The following OR4K14 variants were observed in gnomAD, a reference collection of about 807,000 sequenced individuals.
OR4K14 encodes olfactory receptor 4K14.
For synonymous variants in OR4K14, 153 were observed against 141.5 expected (o/e 1.08, Z -0.58); for missense variants, 406 against 373.6 (o/e 1.09, Z -0.72).
chr14:20,017,403 T>C (rs913399311), intron 1 of OR4K14, among the ~76,000 whole-genome samples: 1 of 152,028 alleles, frequency 6.6e-6, no homozygotes, highest in Non-Finnish European at 1.5e-5. Context: ...TCACTTAACC[T>C]AGGTTTTATT....
rs531129747 is a variant in OR4K14 at position 20,017,621 on chromosome 14, G to A, written c.-30+1522C>T. 1.6e-3 allele frequency among the ~76,000 whole-genome samples: 244 copies of A among 151,964 alleles called. 1 individual carries two copies. The highest frequency in any genetic ancestry group is 5.6e-3 in the African/African-American group (233 of 41,516). ...TTTTAAATTATTATGTGGAAGCTGA[G>A]CAAAATAAACTGATGGAGATAGTAT... On this transcript the variant is annotated intron_variant, in intron 1 of 1. Transcript: ENST00000641793.
rs554838684 is a variant in OR4K14 at position 20,017,830 on chromosome 14, A to T, written c.-30+1313T>A. Among the ~76,000 whole-genome samples the T allele has an allele frequency of 7.2e-5, 11 of 152,222 alleles. No homozygotes were observed. The South Asian group carries it at 2.3e-3, about 32-fold the overall frequency. On this transcript the variant is annotated intron_variant, in intron 1 of 1. Transcript: ENST00000641793. ...TTTTTGAGGGTGTTTTCACCATTAC[A>T]CATGATTGACTAATAAGTTCATCAC...
chr14:20,015,169 C>T lies in OR4K14; in HGVS notation c.25G>A (p.Val9Met), dbSNP rs745737183. 7 of 1,610,332 alleles carry T rather than the reference C, an allele frequency of 4.3e-6. No homozygotes were observed. The highest frequency in any genetic ancestry group is 1.1e-5 in the South Asian group (1 of 90,250). Residue 9 changes from valine to methionine, a missense_variant, in exon 2 of 2, where the codon GTG becomes ATG. Transcript: ENST00000641793. ...AGTCCATGCAACACAAATTCTGACA[C>T]CAAGGAATAGTTCTGTGGGTCCATT... The part of the protein sequence containing the change: MDPQNYSL[V>M]SEFVLHGLCT...
intron 1 of OR4K14, among the ~76,000 whole-genome samples, chr14:20,017,772 A>C (rs1877128348): frequency 6.6e-6 from 1 of 152,018 alleles, no homozygotes. Flanking sequence ...AAGACCTCTC[A>C]ACAAAGACCA....
At position 20,014,719 on chromosome 14, in the gene OR4K14, T is replaced by A; in HGVS notation, c.475A>T (p.Ser159Cys). ...SWVVGFVHSI[S>C]QVAFTVNLPY... ...AAATTTACAGTGAAAGCCACTTGAC[T>A]GATGGAGTGCACAAATCCAACGACC... The change falls in exon 2 of 2, where the codon AGT becomes TGT. Residue 159 changes from serine to cysteine, a missense_variant. Physicochemically the swap from Ser to Cys is moderately radical, Grantham distance 112 (BLOSUM62 -1). Transcript: ENST00000641793. The A allele has an allele frequency of 6.2e-7, 1 of 1,614,068 alleles. No homozygotes were observed. Among genetic ancestry groups the A allele is most frequent in the Non-Finnish European group, 8.5e-7 (1 of 1,179,956 alleles).
chr14:20,015,053 G>C lies in OR4K14; in HGVS notation c.141C>G (p.Val47=). The C allele has an allele frequency of 6.2e-7, 1 of 1,613,904 alleles. No individual in the cohort carries two copies. Among genetic ancestry groups the C allele is most frequent in the Non-Finnish European group, 8.5e-7 (1 of 1,179,942 alleles). ...AIMLGNLLIL[V]TVISDPCLHS... ...GCAGGCAGGGATCAGAAATTACAGT[G>C]ACCAAAATGAGAAGGTTACCCAGCA... The change falls in exon 2 of 2, where the codon GTC becomes GTG. Residue 47 remains valine, a synonymous_variant. Transcript: ENST00000641793.
At position 20,014,829 on chromosome 14, in the gene OR4K14, T is replaced by A. The variant is rs570182837; in HGVS notation, c.365A>T (p.Asp122Val). The change falls in exon 2 of 2, where the codon GAC becomes GTC. Residue 122 changes from aspartate (D) to valine (V), a missense_variant. Transcript: ENST00000641793. ...GGGTTTGCATATGGCCACATATCTGTCATAGGCCATGGAAACCAGGAGCAC... is the reference window on the plus strand; with the variant it reads ...GGGTTTGCATATGGCCACATATCTGACATAGGCCATGGAAACCAGGAGCAC... ...EMVLLVSMAY[D>V]RYVAICKPLH... 1.1e-5 allele frequency: 18 copies of A among 1,614,052 alleles called. No individual in the cohort carries two copies. The African/African-American group carries it at 1.9e-4, about 17-fold the overall frequency.
intron 1 of OR4K14, among the ~76,000 whole-genome samples, chr14:20,017,981 A>G (rs1468888632): frequency 6.6e-6 from 1 of 152,034 alleles, no homozygotes; most frequent in Admixed American, 6.5e-5. Flanking sequence ...AAAATATTGT[A>G]TAAAGCTTTT....
Position 20,015,107 on chromosome 14 carries a change from T to C in OR4K14, c.87A>G (p.Ile29Met). ...TSRHLQNFFF[I>M]FFFGVYVAIM... ...TGGCCACATAGACCCCAAAGAAAAA[T>C]ATAAAGAAAAAATTTTGAAGATGTC... The change falls in exon 2 of 2, where the codon ATA becomes ATG. Residue 29 changes from isoleucine (I) to methionine (M), a missense_variant. Coordinates refer to ENST00000641793, the MANE Select transcript of OR4K14 (RefSeq NM_001004712.2). 1 of 1,613,308 alleles carries C rather than the reference T, an allele frequency of 6.2e-7. No individual in the cohort carries two copies. Among genetic ancestry groups the C allele is most frequent in the Non-Finnish European group, 8.5e-7 (1 of 1,179,766 alleles).
At chr14:20,015,253 A>T (rs1877073452) in intron 1 of OR4K14, 31 bp from the exon 2 acceptor site, 1 of 1,010,230 alleles carries the variant, frequency 9.9e-7, no homozygotes, top group Non-Finnish European at 1.5e-6. Flanking sequence ...TGTCATTTGC[A>T]GCAACACCTC....
chr14:20,017,792 A>G (rs149520090), intron 1 of OR4K14, among the ~76,000 whole-genome samples: 52 of 152,094 alleles, frequency 3.4e-4, no homozygotes, highest in African/African-American at 1.1e-3. Flanking sequence ...AGAGCATAAA[A>G]CCTATGCAAT....
intron 1 of OR4K14, among the ~76,000 whole-genome samples, 178 bp downstream of exon 1, chr14:20,018,965 C>G (rs1877153326): frequency 6.6e-6 from 1 of 151,672 alleles, no homozygotes; most frequent in Non-Finnish European, 1.5e-5. Flanking sequence ...TGTATACAAA[C>G]CAATGGTGTT....
chr14:20,017,506 AATCT>A (rs1400167539), intron 1 of OR4K14, among the ~76,000 whole-genome samples: 3 of 143,760 alleles, frequency 2.1e-5, no homozygotes, highest in Middle Eastern at 3.7e-3. Context: ...TAGATACATA[AATCT>A]ATCTATAAAT....
Position 20,014,334 on chromosome 14 carries a change from A to T in OR4K14, c.860T>A (p.Ile287Asn). The T allele has an allele frequency of 1.2e-6, 2 of 1,613,822 alleles. No homozygotes were observed. The change falls in exon 2 of 2, where the codon ATC becomes AAC. Residue 287 changes from isoleucine (I) to asparagine (N), a missense_variant. By Grantham distance (149) the Ile-to-Asn change is moderately radical. Coordinates refer to ENST00000641793, the MANE Select transcript of OR4K14 (RefSeq NM_001004712.2). ...TIFTPLLNPI[I>N]YTLRNEEMKA... ...CATCTCCTCATTTCTCAATGTGTAG[A>T]TAATGGGGTTCAGGAGTGGAGTAAA... is the stretch of plus-strand genomic sequence containing the variant.
rs376021659 is a variant in OR4K14, at chr14:20,014,263, A to T, written c.931T>A (p.Ter311ArgextTer33). Residue 311 changes from the stop codon to arginine (R), a stop_lost, in exon 2 of 2, where the codon TGA becomes AGA. Coordinates refer to ENST00000641793, the MANE Select transcript of OR4K14 (RefSeq NM_001004712.2). ...CTAACACTATGGAAGGCTGGATTTC[A>T]TTGAAAAGTCACCCGTCGGTTTTGC... ...KLQNRRVTFQ[*>R] 1 of 1,583,252 alleles carries T rather than the reference A, an allele frequency of 6.3e-7. No homozygotes were observed. The highest frequency in any genetic ancestry group is 8.6e-7 in the Non-Finnish European group (1 of 1,162,202).
chr14:20,015,642 A>G (rs1401825433), intron 1 of OR4K14, among the ~76,000 whole-genome samples: 1 of 152,110 alleles, frequency 6.6e-6, no homozygotes, highest in African/African-American at 2.4e-5. Context: ...TATAATTTTC[A>G]TTTATCAATT....
chr14:20,015,568 T>C (rs1877080439), intron 1 of OR4K14, among the ~76,000 whole-genome samples: 1 of 152,180 alleles, frequency 6.6e-6, no homozygotes, highest in Non-Finnish European at 1.5e-5. Flanking sequence ...AAAATAAGTA[T>C]GTGATTTAGC....
chr14:20,017,507 A>G lies in OR4K14; in HGVS notation c.-30+1636T>C, dbSNP rs1050873616. On this transcript the variant is annotated intron_variant, in intron 1 of 1. Transcript: ENST00000641793. ...AAAGCCTATTTGATTAGATACATAA[A>G]TCTATCTATAAATGAATTAGATCAT... is the stretch of plus-strand genomic sequence containing the variant. 2.8e-5 allele frequency among the ~76,000 whole-genome samples: 4 copies of G among 141,048 alleles called. No individual in the cohort carries two copies. In the South Asian group the frequency reaches 9.4e-4, roughly 33 times the overall value. The allele number at this position is 141,048 out of a possible 152,430, so 92.5% of individuals were successfully genotyped here. A position where few individuals can be genotyped will look rare whatever the true frequency, so the allele number is the denominator to read the frequency against.
In OR4K14 at chr14:20,014,499, C is replaced by T. The variant is rs1229178361; in HGVS notation, c.695G>A (p.Gly232Asp). 1 of 1,613,940 alleles carries T rather than the reference C, an allele frequency of 6.2e-7. No individual in the cohort carries two copies. Among genetic ancestry groups the T allele is most frequent in the East Asian group, 2.2e-5 (1 of 44,884 alleles). Residue 232 changes from glycine (G) to aspartate (D), a missense_variant, in exon 2 of 2, where the codon GGT becomes GAT. Coordinates refer to ENST00000641793, the MANE Select transcript of OR4K14 (RefSeq NM_001004712.2). The part of the protein sequence containing the change: ...ILLAIRQRAA[G>D]STSKALSTCS... ...AGTGGAGAGTGCTTTGGATGTGCTA[C>T]CGGCAGCACGCTGTCTGATAGCGAG...
Sources: allele counts gnomAD v4.1 joint callset (sites outside exome capture counted in the v4.1 genomes callset), GRCh38; gene constraint gnomAD v4.1.1; transcripts MANE v1.5; gene names NCBI Gene and HGNC (gene_info 2026-07-23, HGNC 2026-07-21).